CUL4A: variants seen among roughly 807,000 people sequenced by gnomAD.
CUL4A encodes the protein cullin 4A.
Under a neutral mutation model 95.5 loss-of-function variants are expected in CUL4A, and 16 were observed. The observed-to-expected ratio is 0.17, with a 90% CI of 0.11 to 0.25. The LOEUF (loss-of-function observed/expected upper bound fraction) is 0.25, where lower values mean the gene tolerates loss of function less well. CUL4A is among the 10% of genes least tolerant of loss of function. The probability of loss-of-function intolerance (pLI) is 1.00; values close to 1 mark genes in which losing one functional copy is unlikely to be tolerated. For synonymous variants in CUL4A, 380 were observed against 353.1 expected, an observed-to-expected ratio of 1.08 and a Z score of -0.85; for missense variants, 610 against 937.0, an observed-to-expected ratio of 0.65 and a Z score of 4.56.
At chr13:113,257,956 A>C (rs2139297264) in intron 18 of CUL4A, among the ~76,000 whole-genome samples, 1 of 152,236 alleles carries the variant, frequency 6.6e-6, no homozygotes, top group East Asian at 1.9e-4. Flanking sequence ...CATATAGGTC[A>C]GTTTCTCAAT....
At position 113,215,643 on chromosome 13, in the gene CUL4A, G is replaced by T. The variant is rs182765624; in HGVS notation, c.265-3302G>T. Reference sequence around the variant, plus strand: ...TGGAGATCTCTGTGTGACTATGGAGGTTTCATCCATGTGGCTCTGAAGGTC... The same window carrying T: ...TGGAGATCTCTGTGTGACTATGGAGTTTTCATCCATGTGGCTCTGAAGGTC... On this transcript the variant is annotated intron_variant, in intron 2 of 19. Transcript: ENST00000375440. Among the ~76,000 whole-genome samples the T allele has an allele frequency of 1.7e-3, 253 of 150,046 alleles. 1 individual carries two copies. The highest frequency in any genetic ancestry group is 6.1e-3 in the African/African-American group (248 of 40,710).
At chr13:113,237,861 AT>A (rs1474050798) in intron 9 of CUL4A, among the ~76,000 whole-genome samples, 1 of 152,238 alleles carries the variant, frequency 6.6e-6, no homozygotes, top group African/African-American at 2.4e-5. Flanking sequence ...GAGAATTAAC[AT>A]GATTGAGCAT....
intron 18 of CUL4A, among the ~76,000 whole-genome samples, chr13:113,256,346 C>T (rs989264011): frequency 1.3e-5 from 2 of 152,138 alleles, no homozygotes; most frequent in African/African-American, 4.8e-5. Context: ...TCCACTGCCC[C>T]TCCTGAAAAT....
intron 11 of CUL4A, 118 bp from the exon 12 acceptor site, chr13:113,244,292 T>TTTGTCATA: frequency 4.2e-6 from 3 of 714,938 alleles, no homozygotes; most frequent in Non-Finnish European, 7.0e-6. Flanking sequence ...TATTTGTTTT[T>TTTGTCATA]TTGTCATATA....
chr13:113,213,412 C>T lies in CUL4A; in HGVS notation c.264+3324C>T, dbSNP rs74730013. Among the ~76,000 whole-genome samples, 745 of 152,218 alleles carry T rather than the reference C, an allele frequency of 4.9e-3. 7 individuals carry two copies. Among genetic ancestry groups the T allele is most frequent in the African/African-American group, 0.017 (707 of 41,522 alleles). Reference sequence around the variant, plus strand: ...CTCAGTGCTTCGAAAACTGTTGCTTCGTATATTTTGCCTGATTTTGTGGTT... The same window carrying T: ...CTCAGTGCTTCGAAAACTGTTGCTTTGTATATTTTGCCTGATTTTGTGGTT... On this transcript the variant is annotated intron_variant, in intron 2 of 19. Coordinates refer to ENST00000375440, the MANE Select transcript of CUL4A (RefSeq NM_001008895.4).
At chr13:113,236,773 T>G (rs1648716748) in intron 8 of CUL4A, 50 bp from the exon 9 acceptor site, 8 of 1,256,006 alleles carry the variant, frequency 6.4e-6, no homozygotes, top group Non-Finnish European at 9.2e-6. Flanking sequence ...AGAGAACCAG[T>G]CTCTTCTTTA....
chr13:113,243,081 T>G lies in CUL4A; in HGVS notation c.1149T>G (p.Asn383Lys). ...TGATCGAGGTCTGCTTCCAGAAGAA[T>G]GAGCGGTTCGTCAACCTGATGAAGG... is the stretch of plus-strand genomic sequence containing the variant. ...DHVIEVCFQK[N>K]ERFVNLMKES... The change falls in exon 11 of 20, where the codon AAT (asparagine) becomes AAG (lysine). Residue 383 changes from asparagine to lysine, a missense_variant. Around this residue, in one of 10 missense-constraint regions of CUL4A, gnomAD observed 153 missense variants for 244.5 expected, o/e 0.63. Transcript: ENST00000375440. The G allele has an allele frequency of 6.2e-7, 1 of 1,614,222 alleles. No homozygotes were observed. The highest frequency in any genetic ancestry group is 8.5e-7 in the Non-Finnish European group (1 of 1,180,024).
At position 113,254,936 on chromosome 13, in the gene CUL4A, A is replaced by G. The variant is rs1270379089; in HGVS notation, c.1859-17A>G. On this transcript the variant is annotated splice_polypyrimidine_tract_variant and intron_variant, in intron 17 of 19. Coordinates refer to ENST00000375440, the MANE Select transcript of CUL4A (RefSeq NM_001008895.4). The stretch of plus-strand genomic sequence containing the variant: ...TCGTTTAACGCCAGCCTTTGCCTGC[A>G]TTTGCTTCCCATTCAGAGGATAGTG... 6.2e-7 allele frequency: 1 copy of G among 1,608,218 alleles called. No homozygotes were observed. The highest frequency in any genetic ancestry group is 8.5e-7 in the Non-Finnish European group (1 of 1,177,008).
At chr13:113,214,074 A>C (rs2040553195) in intron 2 of CUL4A, among the ~76,000 whole-genome samples, 1 of 152,208 alleles carries the variant, frequency 6.6e-6, no homozygotes, top group Admixed American at 6.5e-5. Flanking sequence ...TACTTTGCCA[A>C]AGAATCTTAT....
At chr13:113,220,924 T>G (rs531241135) in intron 3 of CUL4A, among the ~76,000 whole-genome samples, 1 of 152,346 alleles carries the variant, frequency 6.6e-6, no homozygotes, top group Admixed American at 6.5e-5. Flanking sequence ...AATTATCATT[T>G]GGTTCATTAA....
rs752990616 is a variant in CUL4A, at chr13:113,254,722, C to G, written c.1782C>G (p.Phe594Leu). The G allele has an allele frequency of 3.7e-6, 6 of 1,612,764 alleles. No homozygotes were observed. Among genetic ancestry groups the G allele is most frequent in the South Asian group, 1.1e-5 (1 of 90,632 alleles). Residue 594 changes from phenylalanine (F) to leucine (L), a missense_variant, in exon 17 of 20, where the codon TTC becomes TTG. This residue lies in a region of CUL4A where 72 missense variants were observed against 93.2 expected (regional missense o/e 0.77). Coordinates refer to ENST00000375440, the MANE Select transcript of CUL4A (RefSeq NM_001008895.4). Reference sequence around the variant, plus strand: ...AGAAGGAATTCCAGGTGTCCCTCTTCCAGACACTGGTGCTCCTCATGTTCA... The same window carrying G: ...AGAAGGAATTCCAGGTGTCCCTCTTGCAGACACTGGTGCTCCTCATGTTCA... The part of the protein sequence containing the change: ...EGKKEFQVSL[F>L]QTLVLLMFNE...
chr13:113,260,542 T>TC (rs767234886), intron 18 of CUL4A, 65 bp from the exon 19 acceptor site: 13 of 1,451,638 alleles, frequency 9.0e-6, no homozygotes, highest in Non-Finnish European at 1.2e-5. Context: ...TGAGTGAGAC[T>TC]CCATCGCAAA....
At position 113,245,941 on chromosome 13, in the gene CUL4A, A is replaced by G; in HGVS notation, c.1531-15A>G. ...TACTTTCTCAAAATGATTGTCTTGGATTTCTCTGTTTTAGCATATGCAGAA... is the reference window on the plus strand; with the variant it reads ...TACTTTCTCAAAATGATTGTCTTGGGTTTCTCTGTTTTAGCATATGCAGAA... On this transcript the variant is annotated splice_polypyrimidine_tract_variant and intron_variant, in intron 14 of 19. Coordinates refer to ENST00000375440, the MANE Select transcript of CUL4A (RefSeq NM_001008895.4). 1 of 1,557,842 alleles carries G rather than the reference A, an allele frequency of 6.4e-7. No homozygotes were observed. The highest frequency in any genetic ancestry group is 8.8e-7 in the Non-Finnish European group (1 of 1,135,862).
At chr13:113,238,673 G>C (rs1024455988) in intron 9 of CUL4A, among the ~76,000 whole-genome samples, 1 of 152,170 alleles carries the variant, frequency 6.6e-6, no homozygotes, top group African/African-American at 2.4e-5. Context: ...ATGTAATTGA[G>C]AGAAATAAAC....
chr13:113,245,309 C>G, intron 14 of CUL4A, 72 bp downstream of exon 14: 1 of 1,355,362 alleles, frequency 7.4e-7, no homozygotes, highest in Admixed American at 1.7e-5. Context: ...TGCCTGTAAT[C>G]CCAGCACTTT....
intron 16 of CUL4A, 72 bp from the exon 17 acceptor site, chr13:113,254,621 A>T (rs1399281634): frequency 3.3e-5 from 36 of 1,101,692 alleles, no homozygotes; most frequent in Non-Finnish European, 4.6e-5. Flanking sequence ...GAGAGCAAAA[A>T]GAAGCTTCTT....
rs764543067 is a variant in CUL4A at position 113,227,980 on chromosome 13, T to G, written c.373T>G (p.Ser125Ala). 6.2e-7 allele frequency: 1 copy of G among 1,603,236 alleles called. No individual in the cohort carries two copies. Among genetic ancestry groups the G allele is most frequent in the Non-Finnish European group, 8.5e-7 (1 of 1,170,258 alleles). ...QAQILPFRED[S>A]LDSVLFLKKI... ...TTTTCCTTAGCAGATCTGTACAGACTCACTAGATAGTGTTTTATTTTTAAA... is the reference window on the plus strand; with the variant it reads ...TTTTCCTTAGCAGATCTGTACAGACGCACTAGATAGTGTTTTATTTTTAAA... The change falls in exon 4 of 20, where the codon TCA becomes GCA. Residue 125 changes from serine (S) to alanine (A), a missense_variant. Physicochemically the swap from Ser to Ala is moderately conservative, Grantham distance 99. Transcript: ENST00000375440.
intron 3 of CUL4A, 89 bp downstream of exon 3, chr13:113,219,137 C>T: frequency 1.4e-6 from 1 of 695,030 alleles, no homozygotes; most frequent in East Asian, 3.0e-5. Flanking sequence ...AATGAGTATC[C>T]TTAATATTAA....
At chr13:113,226,672 T>A (rs2041115834) in intron 3 of CUL4A, among the ~76,000 whole-genome samples, 2 of 151,868 alleles carry the variant, frequency 1.3e-5, no homozygotes, top group South Asian at 4.1e-4. Flanking sequence ...TGGATGAGAG[T>A]TCATGTTAGT....
Sources: gnomAD v4.1 joint callset for allele counts (sites outside exome capture counted in the v4.1 genomes callset) on GRCh38, gnomAD v4.1.1 for gene constraint, gnomAD v4.1.1 regional missense constraint, MANE v1.5 for transcripts, NCBI Gene and HGNC (gene_info 2026-07-23, HGNC 2026-07-21) for gene names.